Variants in LZTS1 observed in about 807,000 individuals in gnomAD.
LZTS1 encodes the protein leucine zipper tumor suppressor 1.
Under a neutral mutation model 45.8 loss-of-function variants are expected in LZTS1, and 31 were observed. That is an observed-to-expected ratio of 0.68 (90% CI 0.51 to 0.91). The LOEUF (loss-of-function observed/expected upper bound fraction) is 0.91. LZTS1 is among the 40% of genes least tolerant of loss of function. The pLI is 0.00. For missense variants in LZTS1, 821 were observed against 788.9 expected, an observed-to-expected ratio of 1.04 and a Z score of -0.49; for synonymous variants, 359 against 357.3, an observed-to-expected ratio of 1.00 and a Z score of -0.05.
rs1799814023 is a variant in LZTS1, at chr8:20,249,164, C to G, written c.*558G>C. 1 of 153,564 alleles carries G rather than the reference C, an allele frequency of 6.5e-6. No homozygotes were observed. The highest frequency in any genetic ancestry group is 6.5e-5 in the Admixed American group (1 of 15,314). The allele number at this position is 153,564 out of a possible 1,614,324, so 9.5% of individuals were successfully genotyped here. A position where few individuals can be genotyped will look rare whatever the true frequency, so the allele number is the denominator to read the frequency against. ...CCTGTCTCTCCCCTCCTTCCTGTGG[C>G]TTGCCGGGGCTGGGACAGCCCTGAG... is the stretch of plus-strand genomic sequence containing the variant. On this transcript the variant is annotated 3_prime_UTR_variant, in exon 4 of 4. Coordinates refer to ENST00000381569, the MANE Select transcript of LZTS1 (RefSeq NM_021020.5).
chr8:20,284,979 A>T (rs1002314925), intron 1 of LZTS1, among the ~76,000 whole-genome samples: 6 of 152,006 alleles, frequency 3.9e-5, no homozygotes, highest in African/African-American at 1.5e-4. Flanking sequence ...CATGGGGAGA[A>T]CTCGGCCGAG....
At chr8:20,269,288 AC>A (rs1800427485) in intron 1 of LZTS1, among the ~76,000 whole-genome samples, 2 of 152,078 alleles carry the variant, frequency 1.3e-5, no homozygotes, top group African/African-American at 4.8e-5. Context: ...CAGATCTTAA[AC>A]AGGGGAGTGG....
At position 20,250,054 on chromosome 8, in the gene LZTS1, C is replaced by A. The variant is rs1799848231; in HGVS notation, c.1459G>T (p.Asp487Tyr). Reference sequence around the variant, plus strand: ...TCGGGGAAGGTGGGCGGCCCCATGTCGCGGGCCAGGGCGGCCTGGGCCCGC... The same window carrying A: ...TCGGGGAAGGTGGGCGGCCCCATGTAGCGGGCCAGGGCGGCCTGGGCCCGC... ...ELRAQAALARDMGPPTFPEDV... is the reference protein window; with the variant it reads ...ELRAQAALARYMGPPTFPEDV... Residue 487 changes from aspartate (D) to tyrosine (Y), a missense_variant, in exon 4 of 4, where the codon GAC becomes TAC. Coordinates refer to ENST00000381569, the MANE Select transcript of LZTS1 (RefSeq NM_021020.5). The A allele has an allele frequency of 6.2e-7, 1 of 1,608,208 alleles. No homozygotes were observed. The highest frequency in any genetic ancestry group is 8.5e-7 in the Non-Finnish European group (1 of 1,179,034).
chr8:20,288,987 G>GTT (rs59572169), intron 1 of LZTS1, among the ~76,000 whole-genome samples: 8,963 of 119,650 alleles, frequency 0.075, 595 homozygotes, highest in African/African-American at 0.14. Flanking sequence ...ATAGCAGCTG[G>GTT]TTTTTTTTTT....
rs10091552 is a variant in LZTS1 at position 20,255,518 on chromosome 8, C to T, written c.-134-203G>A. Among the ~76,000 whole-genome samples the T allele has an allele frequency of 0.033, 5,059 of 152,296 alleles. 297 individuals carry two copies. Among genetic ancestry groups the T allele is most frequent in the African/African-American group, 0.12 (4,824 of 41,542 alleles). On this transcript the variant is annotated intron_variant, in intron 1 of 3. Coordinates refer to ENST00000381569, the MANE Select transcript of LZTS1 (RefSeq NM_021020.5). ...AGCCCACTTCATGCAAGCCTCTACT[C>T]TAAACACTCGGGACCCAGCAAGTGA... is the stretch of plus-strand genomic sequence containing the variant.
chr8:20,251,110 T>C (rs1286113824), intron 3 of LZTS1, among the ~76,000 whole-genome samples: 2 of 20,884 alleles, frequency 9.6e-5, no homozygotes, highest in African/African-American at 4.5e-4. Context: ...TATATATATA[T>C]ATATATATAT....
At chr8:20,251,207 T>C (rs1799899519) in intron 3 of LZTS1, among the ~76,000 whole-genome samples, 2 of 146,464 alleles carry the variant, frequency 1.4e-5, no homozygotes, top group Non-Finnish European at 3.0e-5. Flanking sequence ...TATACCCCAT[T>C]GCCACCATGG....
intron 1 of LZTS1, among the ~76,000 whole-genome samples, chr8:20,283,034 G>GA (rs1450221706): frequency 6.6e-6 from 1 of 152,174 alleles, no homozygotes; most frequent in Non-Finnish European, 1.5e-5. Context: ...TCAGAAGTGG[G>GA]ATGGATAGAG....
intron 1 of LZTS1, among the ~76,000 whole-genome samples, chr8:20,270,261 C>G (rs1052820875): frequency 2.1e-4 from 32 of 152,262 alleles, no homozygotes; most frequent in African/African-American, 7.7e-4. Flanking sequence ...GTGCTTTCCT[C>G]TTACATCGTT....
chr8:20,252,213 T>G (rs1348566132), intron 3 of LZTS1, among the ~76,000 whole-genome samples: 1 of 152,136 alleles, frequency 6.6e-6, no homozygotes, highest in Non-Finnish European at 1.5e-5. Context: ...TGTGAGTGTG[T>G]AAGTGTGTGA....
chr8:20,250,361 C>T lies in LZTS1; in HGVS notation c.1152G>A (p.Val384=), dbSNP rs180726444. 41 of 1,594,622 alleles carry T rather than the reference C, an allele frequency of 2.6e-5. No homozygotes were observed. Among genetic ancestry groups the T allele is most frequent in the Non-Finnish European group, 3.0e-5 (35 of 1,168,940 alleles). The change falls in exon 4 of 4, where the codon GTG becomes GTA. Residue 384 remains valine, a splice_region_variant and synonymous_variant. Transcript: ENST00000381569. Reference sequence around the variant, plus strand: ...GGGAGATCTCGCCTGACTTCTGGCACACCTGCCGAGGGTGGGGTGGAGACA... The same window carrying T: ...GGGAGATCTCGCCTGACTTCTGGCATACCTGCCGAGGGTGGGGTGGAGACA... ...GPALEETQWE[V]CQKSGEISLL...
intron 1 of LZTS1, among the ~76,000 whole-genome samples, chr8:20,276,941 A>G (rs551040199): frequency 4.6e-5 from 7 of 152,342 alleles, no homozygotes; most frequent in African/African-American, 1.7e-4. Flanking sequence ...AAGGGTAAGC[A>G]TGTCAGAGGC....
chr8:20,297,207 C>A (rs755908135), intron 1 of LZTS1, among the ~76,000 whole-genome samples: 1 of 152,272 alleles, frequency 6.6e-6, no homozygotes, highest in East Asian at 1.9e-4. Flanking sequence ...ATATATTATG[C>A]AATTAAGGTT....
intron 1 of LZTS1, among the ~76,000 whole-genome samples, chr8:20,265,612 G>C (rs1211142650): frequency 7.1e-6 from 1 of 140,812 alleles, no homozygotes; most frequent in Non-Finnish European, 1.5e-5. Flanking sequence ...CTAGGAGTTG[G>C]AGGTTGCAAT....
At chr8:20,279,269 G>A (rs999187888) in intron 1 of LZTS1, among the ~76,000 whole-genome samples, 1 of 152,120 alleles carries the variant, frequency 6.6e-6, no homozygotes, top group Non-Finnish European at 1.5e-5. Context: ...TATCCCCTCT[G>A]CTAGTCTTTG....
At chr8:20,288,079 T>C (rs1410322828) in intron 1 of LZTS1, among the ~76,000 whole-genome samples, 1 of 151,924 alleles carries the variant, frequency 6.6e-6, no homozygotes, top group African/African-American at 2.4e-5. Context: ...CCAGGTGCAA[T>C]CCTGTCTCCT....
intron 1 of LZTS1, among the ~76,000 whole-genome samples, chr8:20,264,006 A>C (rs756671227): frequency 6.6e-6 from 1 of 151,906 alleles, no homozygotes; most frequent in Non-Finnish European, 1.5e-5. Flanking sequence ...CCCATTCCCT[A>C]TTCCTTCTCC....
At chr8:20,281,471 G>A (rs1800691505) in intron 1 of LZTS1, among the ~76,000 whole-genome samples, 1 of 152,076 alleles carries the variant, frequency 6.6e-6, no homozygotes, top group Admixed American at 6.5e-5. Flanking sequence ...TACTCGGGAG[G>A]CCGAGGCAGG....
At chr8:20,261,950 C>T (rs1198244722) in intron 1 of LZTS1, among the ~76,000 whole-genome samples, 1 of 152,250 alleles carries the variant, frequency 6.6e-6, no homozygotes, top group Non-Finnish European at 1.5e-5. Context: ...CCCTGACATC[C>T]TTCCCTCCTT....
Sources: allele counts gnomAD v4.1 joint callset (sites outside exome capture counted in the v4.1 genomes callset), GRCh38; gene constraint gnomAD v4.1.1; transcripts MANE v1.5; gene names NCBI Gene and HGNC (gene_info 2026-07-23, HGNC 2026-07-21).